Variants in SRRM4 observed in about 807,000 individuals in gnomAD.
SRRM4 encodes serine/arginine repetitive matrix 4.
Under a neutral mutation model 68.9 loss-of-function variants are expected in SRRM4, and 33 were observed. The ratio of observed to expected loss-of-function variants is 0.48; its 90% CI spans 0.36 to 0.64. SRRM4 has a LOEUF of 0.64. Among genes scored for constraint, SRRM4 ranks in the 30% least tolerant of loss-of-function variants. SRRM4 has a pLI of 0.00. For missense variants in SRRM4, 817 were observed against 827.1 expected, an observed-to-expected ratio of 0.99 and a Z score of 0.15; for synonymous variants, 318 against 318.8, an observed-to-expected ratio of 1.00 and a Z score of 0.03.
Position 119,096,560 on chromosome 12 carries a change from G to A in SRRM4, c.132-5676G>A, listed in dbSNP as rs150715800. ...CTGTGATGATCAAGTGATGTGGAGA[G>A]AACGCTGGGCTGGGAGTCAAAAGGT... On this transcript the variant is annotated intron_variant, in intron 1 of 12. Coordinates refer to ENST00000267260, the MANE Select transcript of SRRM4 (RefSeq NM_194286.4). Among the ~76,000 whole-genome samples, 259 of 152,336 alleles carry A rather than the reference G, an allele frequency of 1.7e-3. 1 individual carries two copies. Among genetic ancestry groups the A allele is most frequent in the African/African-American group, 5.5e-3 (230 of 41,582 alleles).
intron 1 of SRRM4, among the ~76,000 whole-genome samples, chr12:119,032,154 C>T (rs1325086791): frequency 1.3e-5 from 2 of 152,088 alleles, no homozygotes; most frequent in Non-Finnish European, 2.9e-5. Flanking sequence ...AATAATATCT[C>T]ATAGTGTGTA....
Position 119,154,355 on chromosome 12 carries a change from A to T in SRRM4, c.1504A>T (p.Ser502Cys), listed in dbSNP as rs1954459481. 6.2e-7 allele frequency: 1 copy of T among 1,613,164 alleles called. No individual in the cohort carries two copies. The highest frequency in any genetic ancestry group is 8.5e-7 in the Non-Finnish European group (1 of 1,179,822). The change falls in exon 12 of 13, where the codon AGC becomes TGC. Residue 502 changes from serine (S) to cysteine (C), a missense_variant. Transcript: ENST00000267260. The surrounding 1 kb of genome is among the most constrained non-coding windows in gnomAD (Gnocchi z 4.7). The stretch of plus-strand genomic sequence containing the variant: ...GAGAAAGCGCCGGAGAGACTCCCCG[A>T]GCCACCTGGAGGCCCGGAGGATAAC... ...PMRKRRRDSP[S>C]HLEARRITSA...
In SRRM4 at chr12:119,138,510, G is replaced by A. The variant is rs111435688; in HGVS notation, c.772-6871G>A. ...AATTGATGCTCCAGTGTTCAGCCTT[G>A]AGTGATGGGGAACTGGTGTATAAAT... On this transcript the variant is annotated intron_variant, in intron 8 of 12. Coordinates refer to ENST00000267260, the MANE Select transcript of SRRM4 (RefSeq NM_194286.4). 5.3e-3 allele frequency among the ~76,000 whole-genome samples: 813 copies of A among 152,274 alleles called. 11 individuals are homozygous for A. Among genetic ancestry groups the A allele is most frequent in the African/African-American group, 0.018 (761 of 41,522 alleles).
rs575722349 is a variant in SRRM4, at chr12:119,083,050, C to T, written c.132-19186C>T. On this transcript the variant is annotated intron_variant, in intron 1 of 12. Transcript: ENST00000267260. ...GTCTGGTGTTTCCTTCAATTCAGGA[C>T]CCCCCTTGTGAAAGCTCCAGGGCAG... is the stretch of plus-strand genomic sequence containing the variant. 1.8e-4 allele frequency among the ~76,000 whole-genome samples: 28 copies of T among 152,150 alleles called. No homozygotes were observed. The East Asian group carries it at 5.4e-3, about 30-fold the overall frequency.
At chr12:119,082,744 A>G (rs769900293) in intron 1 of SRRM4, among the ~76,000 whole-genome samples, 128 of 152,218 alleles carry the variant, frequency 8.4e-4, no homozygotes, top group Admixed American at 5.2e-3. Context: ...CAGAGTCTCC[A>G]GAAGAGCCCT....
chr12:119,074,837 T>C (rs775537237), intron 1 of SRRM4, among the ~76,000 whole-genome samples: 25 of 152,180 alleles, frequency 1.6e-4, no homozygotes, highest in Non-Finnish European at 1.3e-4. Context: ...ATTCACCCCA[T>C]CACATACATA....
intron 8 of SRRM4, among the ~76,000 whole-genome samples, chr12:119,143,877 C>A (rs1954383580): frequency 6.6e-6 from 1 of 152,134 alleles, no homozygotes; most frequent in Non-Finnish European, 1.5e-5. Flanking sequence ...CCCCAGATTT[C>A]TCATCCCATA....
At chr12:119,048,427 T>G (rs527354103) in intron 1 of SRRM4, among the ~76,000 whole-genome samples, 1 of 152,286 alleles carries the variant, frequency 6.6e-6, no homozygotes, top group Admixed American at 6.5e-5. Context: ...ACACTAAGAA[T>G]AAACATGAAT....
At chr12:119,049,607 T>C (rs752503121) in intron 1 of SRRM4, among the ~76,000 whole-genome samples, 20 of 152,198 alleles carry the variant, frequency 1.3e-4, no homozygotes, top group Non-Finnish European at 2.4e-4. Context: ...CATGTGGAGC[T>C]CTTAATACGG....
intron 1 of SRRM4, among the ~76,000 whole-genome samples, chr12:119,059,936 T>C (rs547024374): frequency 2.0e-5 from 3 of 152,028 alleles, no homozygotes; most frequent in Non-Finnish European, 2.9e-5. Flanking sequence ...AGTAGAAGAT[T>C]TGTGTTGACT....
At chr12:118,990,202 G>A (rs1489480728) in intron 1 of SRRM4, among the ~76,000 whole-genome samples, 3 of 152,322 alleles carry the variant, frequency 2.0e-5, no homozygotes, top group Non-Finnish European at 4.4e-5. Context: ...GAATTGGAAT[G>A]AGAACCCAGA....
At chr12:119,081,171 C>G (rs567746501) in intron 1 of SRRM4, among the ~76,000 whole-genome samples, 2 of 152,026 alleles carry the variant, frequency 1.3e-5, no homozygotes, top group African/African-American at 4.8e-5. Context: ...GTAAGGGGCT[C>G]GTCCAATAAA....
intron 1 of SRRM4, among the ~76,000 whole-genome samples, chr12:119,030,203 A>G (rs928068248): frequency 2.0e-5 from 3 of 152,256 alleles, no homozygotes; most frequent in Non-Finnish European, 4.4e-5. Context: ...ATGAAATGTC[A>G]GGAACCAAGG....
chr12:119,114,474 C>A, intron 3 of SRRM4, 110 bp downstream of exon 3: 2 of 787,502 alleles, frequency 2.5e-6, no homozygotes, highest in Non-Finnish European at 2.1e-6. Flanking sequence ...CTCTCTGATG[C>A]TTAACTAGCT....
chr12:119,042,071 G>A (rs535771054), intron 1 of SRRM4, among the ~76,000 whole-genome samples: 15 of 152,182 alleles, frequency 9.9e-5, no homozygotes, highest in South Asian at 2.1e-4. Context: ...CCTTCATTTC[G>A]CGGATGACAA....
intron 4 of SRRM4, 81 bp from the exon 5 acceptor site, chr12:119,120,169 A>ATCTC: frequency 1.3e-6 from 1 of 778,798 alleles, no homozygotes; most frequent in Non-Finnish European, 1.9e-6. Context: ...CCCTCTCTCC[A>ATCTC]TCTCTCTCTC....
chr12:119,035,761 T>C (rs1376140936), intron 1 of SRRM4, among the ~76,000 whole-genome samples: 4 of 152,192 alleles, frequency 2.6e-5, no homozygotes, highest in East Asian at 1.9e-4. Context: ...CCTGTTTCCA[T>C]CTTATCAGGA....
chr12:119,129,286 G>T (rs1206277597), intron 7 of SRRM4, among the ~76,000 whole-genome samples: 2 of 152,178 alleles, frequency 1.3e-5, no homozygotes, highest in East Asian at 1.9e-4. Flanking sequence ...TATTACTTTG[G>T]TGGCTCAGAT....
intron 2 of SRRM4, among the ~76,000 whole-genome samples, chr12:119,111,234 A>G (rs1954141382): frequency 6.6e-6 from 1 of 152,220 alleles, no homozygotes; most frequent in Admixed American, 6.5e-5. Context: ...TAACCAGGGT[A>G]TACTTAACAA....
Sources: allele counts gnomAD v4.1 joint callset (sites outside exome capture counted in the v4.1 genomes callset), GRCh38; gene constraint gnomAD v4.1.1; non-coding constraint Gnocchi (gnomAD v3.1); transcripts MANE v1.5; gene names NCBI Gene and HGNC (gene_info 2026-07-23, HGNC 2026-07-21).